The following ZNRF2 variants were observed in gnomAD, a reference collection of about 807,000 sequenced individuals.
ZNRF2 encodes E3 ubiquitin-protein ligase ZNRF2.
In ZNRF2, 16 loss-of-function variants were observed where a neutral mutation model predicts 20.4. That is an observed-to-expected ratio of 0.79 (90% CI 0.53 to 1.19). The LOEUF is 1.19. ZNRF2 is among the 50% of genes most tolerant of loss of function. The pLI is 0.00. For missense variants in ZNRF2, 363 were observed against 332.4 expected (o/e 1.09, Z -0.72); for synonymous variants, 178 against 144.9 (o/e 1.23, Z -1.64).
chr7:30,304,241 A>T (rs912845587), intron 1 of ZNRF2, among the ~76,000 whole-genome samples: 14 of 151,934 alleles, frequency 9.2e-5, no homozygotes, highest in Admixed American at 2.6e-4. Flanking sequence ...TTTTAAGATT[A>T]AAAAAAATGC....
At chr7:30,297,675 CTG>C (rs1179283189) in intron 1 of ZNRF2, among the ~76,000 whole-genome samples, 1 of 150,962 alleles carries the variant, frequency 6.6e-6, no homozygotes, top group Non-Finnish European at 1.5e-5. Flanking sequence ...TGGGAGGGAA[CTG>C]TTTTCATTCA....
At position 30,284,802 on chromosome 7, in the gene ZNRF2, C is replaced by T. The variant is rs1382752297; in HGVS notation, c.-556C>T. ...TCCCTCCCATTTTTCGTTCTCCCCT[C>T]GCGCGCCACCCGTTTTTCCTCTTTC... is the stretch of plus-strand genomic sequence containing the variant. On this transcript the variant is annotated 5_prime_UTR_variant, in exon 1 of 5. Transcript: ENST00000323037. 1.5e-4 allele frequency: 28 copies of T among 190,416 alleles called. No individual in the cohort carries two copies. In the Admixed American group the frequency reaches 1.8e-3, roughly 12 times the overall value. The allele number at this position is 190,416 out of a possible 1,614,324, so 11.8% of individuals were successfully genotyped here.
At chr7:30,301,704 A>T (rs1434619382) in intron 1 of ZNRF2, among the ~76,000 whole-genome samples, 7 of 149,042 alleles carry the variant, frequency 4.7e-5, no homozygotes, top group African/African-American at 1.5e-4. Flanking sequence ...TTTTTTTAAA[A>T]AAAAAAAAAA....
intron 1 of ZNRF2, among the ~76,000 whole-genome samples, chr7:30,292,725 A>G (rs899919508): frequency 3.3e-5 from 5 of 152,104 alleles, no homozygotes; most frequent in African/African-American, 9.7e-5. Context: ...AGGCACAGGG[A>G]GCAGTAACTA....
At chr7:30,332,611 G>A (rs1799653228) in intron 2 of ZNRF2, among the ~76,000 whole-genome samples, 1 of 152,148 alleles carries the variant, frequency 6.6e-6, no homozygotes, top group East Asian at 1.9e-4. Flanking sequence ...ATTTATAAGT[G>A]AGAACATGGC....
At chr7:30,321,653 T>C (rs1799472051) in intron 1 of ZNRF2, among the ~76,000 whole-genome samples, 1 of 152,174 alleles carries the variant, frequency 6.6e-6, no homozygotes, top group African/African-American at 2.4e-5. Flanking sequence ...TGTTTAAGTT[T>C]GTTTGCCAGT....
intron 1 of ZNRF2, among the ~76,000 whole-genome samples, chr7:30,308,303 A>C (rs752041167): frequency 3.3e-5 from 5 of 152,178 alleles, no homozygotes; most frequent in African/African-American, 4.8e-5. Flanking sequence ...GAATTTTTTC[A>C]ACCATTCCAT....
At chr7:30,346,460 A>G (rs1799881322) in intron 2 of ZNRF2, among the ~76,000 whole-genome samples, 1 of 151,894 alleles carries the variant, frequency 6.6e-6, no homozygotes, top group African/African-American at 2.4e-5. Flanking sequence ...AAGTGCTAGG[A>G]TTATAGGCAT....
At chr7:30,327,774 A>G (rs1183664395) in intron 2 of ZNRF2, among the ~76,000 whole-genome samples, 3 of 152,006 alleles carry the variant, frequency 2.0e-5, no homozygotes, top group Admixed American at 6.6e-5. Context: ...CAGTCATGGC[A>G]CACGACAGCC....
chr7:30,327,819 A>G (rs963510830), intron 2 of ZNRF2, among the ~76,000 whole-genome samples: 2 of 152,254 alleles, frequency 1.3e-5, no homozygotes, highest in Non-Finnish European at 2.9e-5. Context: ...CTCCTACCTC[A>G]GCCTCCTAAG....
intron 1 of ZNRF2, among the ~76,000 whole-genome samples, chr7:30,295,968 T>C (rs1240926919): frequency 6.6e-6 from 1 of 152,246 alleles, no homozygotes; most frequent in Admixed American, 6.5e-5. Flanking sequence ...ATAATGTGTC[T>C]TCCTTATATT....
intron 1 of ZNRF2, among the ~76,000 whole-genome samples, chr7:30,304,304 A>G (rs770448154): frequency 1.3e-5 from 2 of 152,166 alleles, no homozygotes; most frequent in Admixed American, 6.5e-5. Flanking sequence ...TTATTCCACT[A>G]TATTCCAGGA....
At chr7:30,306,970 T>C (rs1016410903) in intron 1 of ZNRF2, among the ~76,000 whole-genome samples, 2 of 152,182 alleles carry the variant, frequency 1.3e-5, no homozygotes, top group Non-Finnish European at 2.9e-5. Flanking sequence ...TGACACTTTT[T>C]ATCCTTAGTA....
chr7:30,292,060 CT>C (rs1230402665), intron 1 of ZNRF2, among the ~76,000 whole-genome samples: 29 of 151,946 alleles, frequency 1.9e-4, no homozygotes, highest in Non-Finnish European at 2.9e-5. Context: ...CTGTTAATGT[CT>C]TTTATATATG....
intron 1 of ZNRF2, among the ~76,000 whole-genome samples, chr7:30,316,288 C>CAAAAAA (rs60218988): frequency 0.011 from 294 of 27,550 alleles, 7 homozygotes; most frequent in Non-Finnish European, 0.016. Flanking sequence ...AACTCCATCT[C>CAAAAAA]AAAAAAAAAA....
chr7:30,329,424 C>A (rs949588410), intron 2 of ZNRF2, among the ~76,000 whole-genome samples: 5 of 152,122 alleles, frequency 3.3e-5, no homozygotes, highest in African/African-American at 1.2e-4. Context: ...ATTAATCAAA[C>A]CCTCTTTATA....
At chr7:30,315,373 T>C (rs1179690291) in intron 1 of ZNRF2, among the ~76,000 whole-genome samples, 1 of 152,208 alleles carries the variant, frequency 6.6e-6, no homozygotes, top group Non-Finnish European at 1.5e-5. Flanking sequence ...TAATTGGTTA[T>C]AAATGCTATG....
chr7:30,346,090 A>G (rs1583592438), intron 2 of ZNRF2, among the ~76,000 whole-genome samples: 1 of 123,228 alleles, frequency 8.1e-6, no homozygotes, highest in South Asian at 2.4e-4. Context: ...ATATTTTTTC[A>G]TTTGCCTTTA....
chr7:30,320,900 T>G (rs890417162), intron 1 of ZNRF2, among the ~76,000 whole-genome samples: 43 of 152,216 alleles, frequency 2.8e-4, no homozygotes, highest in Non-Finnish European at 2.9e-5. Flanking sequence ...CTTAAAAAAC[T>G]GATTGGAAGC....
Sources: allele counts gnomAD v4.1 joint callset (sites outside exome capture counted in the v4.1 genomes callset), GRCh38; gene constraint gnomAD v4.1.1; transcripts MANE v1.5; gene names NCBI Gene and HGNC (gene_info 2026-07-23, HGNC 2026-07-21).